SLC2A13: variants seen among roughly 807,000 people sequenced by gnomAD.
SLC2A13 encodes solute carrier family 2 member 13, also known as proton myo-inositol cotransporter.
Under a neutral mutation model 64.4 loss-of-function variants are expected in SLC2A13, and 32 were observed. The observed-to-expected ratio is 0.50, with a 90% confidence interval of 0.37 to 0.67. SLC2A13 has a LOEUF of 0.67. SLC2A13 is among the 30% of genes least tolerant of loss of function. The pLI is 0.00. For missense variants in SLC2A13, 743 were observed against 829.2 expected, an observed-to-expected ratio of 0.90 and a Z score of 1.28; for synonymous variants, 338 against 327.1, an observed-to-expected ratio of 1.03 and a Z score of -0.36.
Position 39,976,732 on chromosome 12 carries a change from T to G in SLC2A13, c.926-25367A>C, listed in dbSNP as rs186479320. ...CTTTTTAATCATCAGTATGTCATTT[T>G]TGTGTGTGTGGAGAACCAAACTGAC... is the stretch of plus-strand genomic sequence containing the variant. On this transcript the variant is annotated intron_variant, in intron 3 of 9. Transcript: ENST00000280871. 8.8e-4 allele frequency among the ~76,000 whole-genome samples: 134 copies of G among 152,292 alleles called. No individual in the cohort carries two copies. The East Asian group carries it at 0.019, about 21-fold the overall frequency.
intron 3 of SLC2A13, among the ~76,000 whole-genome samples, chr12:40,011,276 T>C (rs1012636018): frequency 1.3e-5 from 2 of 152,174 alleles, no homozygotes; most frequent in Admixed American, 6.5e-5. Flanking sequence ...ACCCACTAGA[T>C]GTCAACATCA....
intron 3 of SLC2A13, among the ~76,000 whole-genome samples, chr12:40,020,260 C>T (rs571146402): frequency 2.6e-5 from 4 of 152,224 alleles, no homozygotes; most frequent in Admixed American, 6.5e-5. Context: ...CCAAATTTCA[C>T]GTTGAGTTGT....
intron 4 of SLC2A13, among the ~76,000 whole-genome samples, chr12:39,904,676 T>G (rs1403013961): frequency 1.3e-5 from 2 of 152,096 alleles, no homozygotes; most frequent in Non-Finnish European, 2.9e-5. Context: ...TCATTTCAGG[T>G]TCCAGCCTGT....
At chr12:39,998,314 A>AT (rs1310136658) in intron 3 of SLC2A13, among the ~76,000 whole-genome samples, 3 of 152,252 alleles carry the variant, frequency 2.0e-5, no homozygotes, top group Non-Finnish European at 4.4e-5. Context: ...GCTGTCACAC[A>AT]TAAGTGGGAG....
At chr12:40,015,927 T>C (rs1415541171) in intron 3 of SLC2A13, among the ~76,000 whole-genome samples, 3 of 152,116 alleles carry the variant, frequency 2.0e-5, no homozygotes, top group South Asian at 2.1e-4. Flanking sequence ...AATAATACCA[T>C]GTGAAGTGCC....
intron 7 of SLC2A13, among the ~76,000 whole-genome samples, chr12:39,810,077 G>A (rs992658364): frequency 5.9e-5 from 9 of 152,244 alleles, no homozygotes; most frequent in African/African-American, 2.2e-4. Flanking sequence ...CTGAGGAATC[G>A]CCACACTGAC....
rs925293886 is a variant in SLC2A13, at chr12:40,105,802, G to A, written c.7C>T (p.Arg3Cys). MS[R>C]KASENVEYTL... ...TACTCCACATTCTCGCTTGCCTTGC[G>A]GGACATAGGGCAGGGGCCCGGGGCT... Residue 3 changes from arginine to cysteine, a missense_variant, in exon 1 of 10, where the codon CGC (arginine) becomes TGC (cysteine). This residue lies in a region of SLC2A13 where 448 missense variants were observed against 447.4 expected (regional missense o/e 1.00). Transcript: ENST00000280871. The surrounding 1 kb of genome is among the most constrained non-coding windows in gnomAD (Gnocchi z 4.2). The A allele has an allele frequency of 4.1e-6, 6 of 1,478,138 alleles. No individual in the cohort carries two copies. Among genetic ancestry groups the A allele is most frequent in the Non-Finnish European group, 9.0e-7 (1 of 1,114,232 alleles). 91.6% of individuals were successfully genotyped at this position (1,478,138 alleles called of 1,614,324 possible).
chr12:39,798,734 T>C (rs1941666854), intron 7 of SLC2A13, among the ~76,000 whole-genome samples: 1 of 152,138 alleles, frequency 6.6e-6, no homozygotes, highest in South Asian at 2.1e-4. Context: ...GGGACATTTC[T>C]CATGACACTT....
intron 4 of SLC2A13, among the ~76,000 whole-genome samples, chr12:39,935,649 C>A (rs1203858560): frequency 5.9e-5 from 9 of 152,132 alleles, no homozygotes; most frequent in African/African-American, 1.7e-4. Flanking sequence ...CATAGATATC[C>A]ACTCAGAGTG....
At chr12:40,066,980 T>C (rs764237727) in intron 1 of SLC2A13, among the ~76,000 whole-genome samples, 1 of 152,190 alleles carries the variant, frequency 6.6e-6, no homozygotes, top group Admixed American at 6.5e-5. Flanking sequence ...TCATATATGT[T>C]ATGTGGCATA....
intron 1 of SLC2A13, among the ~76,000 whole-genome samples, chr12:40,104,528 TA>T (rs1374423481): frequency 6.6e-6 from 1 of 152,060 alleles, no homozygotes; most frequent in African/African-American, 2.4e-5. Context: ...CTTTAATAGA[TA>T]ATTTGGTTCC....
intron 3 of SLC2A13, among the ~76,000 whole-genome samples, chr12:40,026,229 A>G (rs1379508076): frequency 1.3e-5 from 2 of 152,232 alleles, no homozygotes; most frequent in African/African-American, 4.8e-5. Flanking sequence ...TAATAATCCT[A>G]TTAGTTCCAA....
chr12:39,868,408 T>C (rs189680800), intron 5 of SLC2A13, among the ~76,000 whole-genome samples: 129 of 152,272 alleles, frequency 8.5e-4, no homozygotes, highest in African/African-American at 2.9e-3. Flanking sequence ...AAAAACAAAA[T>C]AATTTCCCTT....
At chr12:39,846,135 TTC>T (rs1291279103) in intron 6 of SLC2A13, among the ~76,000 whole-genome samples, 8 of 152,162 alleles carry the variant, frequency 5.3e-5, no homozygotes, top group Non-Finnish European at 1.2e-4. Flanking sequence ...TCTTAGAATA[TTC>T]AACTATGCTC....
chr12:39,767,517 A>C (rs796952229), intron 7 of SLC2A13, among the ~76,000 whole-genome samples: 11 of 152,146 alleles, frequency 7.2e-5, no homozygotes, highest in African/African-American at 2.6e-4. Context: ...ATCTCCTAAC[A>C]AGAGACCCAG....
At chr12:39,891,078 G>C (rs1944593566) in intron 4 of SLC2A13, among the ~76,000 whole-genome samples, 1 of 150,822 alleles carries the variant, frequency 6.6e-6, no homozygotes, top group Non-Finnish European at 1.5e-5. Flanking sequence ...AAAAATTCTG[G>C]ACACCTAAAT....
At chr12:39,827,355 TC>T (rs1223095234) in intron 7 of SLC2A13, among the ~76,000 whole-genome samples, 3 of 152,182 alleles carry the variant, frequency 2.0e-5, no homozygotes, top group Non-Finnish European at 2.9e-5. Context: ...TAGGTAGCTT[TC>T]CAAGCCCAGT....
At chr12:40,002,483 AAAAT>A (rs1289130790) in intron 3 of SLC2A13, among the ~76,000 whole-genome samples, 1 of 152,260 alleles carries the variant, frequency 6.6e-6, no homozygotes, top group Non-Finnish European at 1.5e-5. Context: ...AGAAAGCAAC[AAAAT>A]AAATAAAATC....
intron 4 of SLC2A13, among the ~76,000 whole-genome samples, chr12:39,918,718 C>T (rs534776628): frequency 9.2e-5 from 14 of 151,936 alleles, no homozygotes; most frequent in Non-Finnish European, 1.6e-4. Context: ...CATGTATTCA[C>T]AGTTTAAGAA....
Sources: gnomAD v4.1 joint callset for allele counts (sites outside exome capture counted in the v4.1 genomes callset) on GRCh38, gnomAD v4.1.1 for gene constraint, gnomAD v4.1.1 regional missense constraint, Gnocchi (gnomAD v3.1) non-coding constraint, MANE v1.5 for transcripts, NCBI Gene and HGNC (gene_info 2026-07-23, HGNC 2026-07-21) for gene names.